BAIAP3: variants seen among roughly 807,000 people sequenced by gnomAD.
The protein encoded by BAIAP3 is BAI1-associated protein 3.
A neutral mutation model predicts 149.7 loss-of-function variants in BAIAP3; 180 were observed. The observed-to-expected ratio is 1.20, with a 90% CI of 1.07 to 1.36. The LOEUF is 1.36. Among genes scored for constraint, BAIAP3 ranks in the 40% most tolerant of loss-of-function variants. BAIAP3 has a pLI of 0.00. For missense variants in BAIAP3, 1,767 were observed against 1,563.4 expected, an observed-to-expected ratio of 1.13 and a Z score of -2.20; for synonymous variants, 845 against 670.7, an observed-to-expected ratio of 1.26 and a Z score of -4.02.
chr16:1,344,298 A>T lies in BAIAP3; in HGVS notation c.1583A>T (p.Asp528Val). 1 of 1,613,854 alleles carries T rather than the reference A, an allele frequency of 6.2e-7. No homozygotes were observed. The highest frequency in any genetic ancestry group is 8.5e-7 in the Non-Finnish European group (1 of 1,179,996). The change falls in exon 17 of 34, where the codon GAC becomes GTC. Residue 528 changes from aspartate (D) to valine (V), a missense_variant. By Grantham distance (152) the Asp-to-Val change is radical (BLOSUM62 -3). Coordinates refer to ENST00000426824, the MANE Select transcript of BAIAP3 (RefSeq NM_001199097.2). ...ICPFESELNM[D>V]IAAALKRGNR... ...CCCTTCGAGTCGGAGCTGAACATGG[A>T]CATTGCTGCGGCCCTGAAGGTGTGT...
At chr16:1,344,170 C>A in intron 16 of BAIAP3, 24 bp downstream of exon 16, 1 of 1,612,130 alleles carries the variant, frequency 6.2e-7, no homozygotes. Flanking sequence ...CGCGTGTCAG[C>A]GTGGGTGGGG....
In BAIAP3 at chr16:1,338,613, C is replaced by A; in HGVS notation, c.64C>A (p.Arg22Ser). 1 of 1,605,294 alleles carries A rather than the reference C, an allele frequency of 6.2e-7. No individual in the cohort carries two copies. Among genetic ancestry groups the A allele is most frequent in the South Asian group, 1.1e-5 (1 of 89,798 alleles). Reference protein sequence around the residue: ...LRQVQVCPSFRRRTEQDPGSA... With the variant: ...LRQVQVCPSFSRRTEQDPGSA... ...GCAGGTGCAGGTGTGCCCGTCCTTC[C>A]GCCGCAGGACTGAGCAGGACCCAGG... The change falls in exon 2 of 34, where the codon CGC becomes AGC. Residue 22 changes from arginine to serine, a missense_variant. Arg to Ser is a moderately radical substitution (Grantham distance 110, BLOSUM62 -1). Transcript: ENST00000426824.
chr16:1,336,929 G>A (rs1327430026), intron 1 of BAIAP3, among the ~76,000 whole-genome samples: 1 of 152,198 alleles, frequency 6.6e-6, no homozygotes, highest in Non-Finnish European at 1.5e-5. Flanking sequence ...GACCCCGGGG[G>A]GCTGGGGGAG....
intron 4 of BAIAP3, 91 bp from the exon 5 acceptor site, chr16:1,339,405 A>G: frequency 6.7e-7 from 1 of 1,484,852 alleles, no homozygotes; most frequent in Non-Finnish European, 9.2e-7. Flanking sequence ...AAAGAGGCAG[A>G]GGTGGGGCCT....
rs1490447876 is a variant in BAIAP3, at chr16:1,334,555, T to C, written c.-11+806T>C. 8 of 1,069,238 alleles carry C rather than the reference T, an allele frequency of 7.5e-6. No individual in the cohort carries two copies. The Admixed American group carries it at 1.9e-4, about 25-fold the overall frequency. The allele number at this position is 1,069,238 out of a possible 1,614,324, so 66.2% of individuals were successfully genotyped here. On this transcript the variant is annotated intron_variant, in intron 1 of 33. Transcript: ENST00000426824. ...CGCCTCGGGCTCCGGTCTCCTGCGC[T>C]CCTGCTGGGCGCCAGCGGCTGGACC... is the stretch of plus-strand genomic sequence containing the variant.
At chr16:1,341,511 G>A (rs2033925603) in intron 8 of BAIAP3, 22 bp downstream of exon 8, 14 of 1,594,118 alleles carry the variant, frequency 8.8e-6, no homozygotes, top group Non-Finnish European at 1.1e-5. Flanking sequence ...GCCCGTCTGG[G>A]TGCGGGAGGG....
Position 1,342,513 on chromosome 16 carries a change from C to T in BAIAP3, c.958-14C>T. The T allele has an allele frequency of 1.3e-6, 2 of 1,549,814 alleles. No individual in the cohort carries two copies. Among genetic ancestry groups the T allele is most frequent in the South Asian group, 1.2e-5 (1 of 84,136 alleles). On this transcript the variant is annotated splice_polypyrimidine_tract_variant and intron_variant, in intron 11 of 33. Transcript: ENST00000426824. ...GGAGGAGTCTGGTGGGCCTGACCCC[C>T]ATGCTACCCCCAGGAGGTGCCTGTG...
intron 24 of BAIAP3, 26 bp downstream of exon 24, chr16:1,346,104 C>T: frequency 1.2e-6 from 2 of 1,605,214 alleles, no homozygotes; most frequent in Non-Finnish European, 1.7e-6. Flanking sequence ...GGGAGGGGAG[C>T]CGGCAGGAGG....
chr16:1,347,655 C>G (rs1353492792), intron 30 of BAIAP3, 30 bp downstream of exon 30: 1 of 1,612,772 alleles, frequency 6.2e-7, no homozygotes, highest in African/African-American at 1.3e-5. Flanking sequence ...AGGGTGCTGC[C>G]TCCGAGGCTC....
Position 1,346,691 on chromosome 16 carries a change from G to A in BAIAP3, c.2642+7G>A, listed in dbSNP as rs1288830412. On this transcript the variant is annotated splice_region_variant and intron_variant, in intron 27 of 33. Transcript: ENST00000426824. ...TGAAGGGGAACCTGAGCAGGTGCGGGCGGGTGGGGTGGGATGGGCTGGGCT... is the reference window on the plus strand; with the variant it reads ...TGAAGGGGAACCTGAGCAGGTGCGGACGGGTGGGGTGGGATGGGCTGGGCT... The A allele has an allele frequency of 2.6e-6, 4 of 1,538,384 alleles. No homozygotes were observed. The highest frequency in any genetic ancestry group is 1.4e-5 in the African/African-American group (1 of 72,780).
In BAIAP3 at chr16:1,346,695, G is replaced by T. The variant is rs753421584; in HGVS notation, c.2642+11G>T. On this transcript the variant is annotated intron_variant, in intron 27 of 33. Transcript: ENST00000426824. Reference sequence around the variant, plus strand: ...GGGGAACCTGAGCAGGTGCGGGCGGGTGGGGTGGGATGGGCTGGGCTGGCC... The same window carrying T: ...GGGGAACCTGAGCAGGTGCGGGCGGTTGGGGTGGGATGGGCTGGGCTGGCC... 6.5e-7 allele frequency: 1 copy of T among 1,533,818 alleles called. No homozygotes were observed. The highest frequency in any genetic ancestry group is 1.2e-5 in the South Asian group (1 of 83,812).
Position 1,340,997 on chromosome 16 carries a change from C to G in BAIAP3, c.468+16C>G. ...GAAGGCCAAGGTGAGGCCGCCACTG[C>G]CTGGGCAGGCACTGACCAGCACGTG... On this transcript the variant is annotated intron_variant, in intron 6 of 33. Coordinates refer to ENST00000426824, the MANE Select transcript of BAIAP3 (RefSeq NM_001199097.2). 1 of 1,604,942 alleles carries G rather than the reference C, an allele frequency of 6.2e-7. No individual in the cohort carries two copies. The highest frequency in any genetic ancestry group is 8.5e-7 in the Non-Finnish European group (1 of 1,176,418).
At chr16:1,344,197 G>C (rs751768562) in intron 16 of BAIAP3, 30 bp from the exon 17 acceptor site, 27 of 1,612,524 alleles carry the variant, frequency 1.7e-5, no homozygotes, top group Non-Finnish European at 2.3e-5. Context: ...GGCAGGGCAG[G>C]CCCCACGTCA....
At position 1,348,426 on chromosome 16, in the gene BAIAP3, CAGG is replaced by C; in HGVS notation, c.3406_3408del (p.Glu1136del). ...GGAAGGCCGCACCAGCAAGGAGGCG[CAGG>C]AGTTCGTGAAGAAACTCAAGGAGCT... On this transcript the variant is annotated inframe_deletion, in exon 34 of 34. Transcript: ENST00000426824. The C allele has an allele frequency of 6.2e-7, 1 of 1,612,764 alleles. No individual in the cohort carries two copies. The highest frequency in any genetic ancestry group is 8.5e-7 in the Non-Finnish European group (1 of 1,179,852).
At chr16:1,335,316 C>T (rs970808272) in intron 1 of BAIAP3, among the ~76,000 whole-genome samples, 2 of 152,266 alleles carry the variant, frequency 1.3e-5, no homozygotes, top group Non-Finnish European at 2.9e-5. Context: ...GCGGTCCTCC[C>T]TCTGCTCACT....
chr16:1,343,510 G>A lies in BAIAP3; in HGVS notation c.1383G>A (p.Glu461=). Reference sequence around the variant, plus strand: ...AAGAGGCTCCTTCACTGCCCCAGGAGCAGGTGGGTGCAGCCGGGACCTTCT... The same window carrying A: ...AAGAGGCTCCTTCACTGCCCCAGGAACAGGTGGGTGCAGCCGGGACCTTCT... ...HWEEAPSLPQ[E]QEESLADSLS... The change falls in exon 15 of 34, where the codon GAG becomes GAA. Residue 461 remains glutamate (E), a synonymous_variant. Transcript: ENST00000426824. The A allele has an allele frequency of 1.2e-6, 2 of 1,605,996 alleles. No individual in the cohort carries two copies. Among genetic ancestry groups the A allele is most frequent in the Non-Finnish European group, 1.7e-6 (2 of 1,177,862 alleles).
chr16:1,334,510 G>T, intron 1 of BAIAP3: 1 of 655,526 alleles, frequency 1.5e-6, no homozygotes, highest in Non-Finnish European at 2.7e-6. Context: ...GCGCAGACAC[G>T]GGCGAGGGGA....
rs538503574 is a variant in BAIAP3, at chr16:1,345,844, G to A, written c.2162G>A (p.Trp721Ter). Residue 721 changes from tryptophan (W) to a stop codon, truncating the protein, a stop_gained, in exon 23 of 34, where the codon TGG (tryptophan) becomes TAG (stop). Transcript: ENST00000426824. LOFTEE classifies it high-confidence loss of function. Reference sequence around the variant, plus strand: ...CAGGAGTTGTGGGTGCGCCTGGCGTGGCCTGACCCTGCCCAGGCTCAGGGG... The same window carrying A: ...CAGGAGTTGTGGGTGCGCCTGGCGTAGCCTGACCCTGCCCAGGCTCAGGGG... ...HIQELWVRLA[W>*]PDPAQAQGLG... 1.9e-6 allele frequency: 3 copies of A among 1,580,212 alleles called. No individual in the cohort carries two copies. Among genetic ancestry groups the A allele is most frequent in the South Asian group, 1.2e-5 (1 of 86,576 alleles).
Position 1,347,835 on chromosome 16 carries a change from G to T in BAIAP3, c.3025+14G>T. The T allele has an allele frequency of 6.2e-7, 1 of 1,603,828 alleles. No individual in the cohort carries two copies. Among genetic ancestry groups the T allele is most frequent in the East Asian group, 2.2e-5 (1 of 44,662 alleles). On this transcript the variant is annotated intron_variant, in intron 31 of 33. Transcript: ENST00000426824. Reference sequence around the variant, plus strand: ...TGGACGCCAACGGTGAGTTGCAGCGGGGACGGGTCGGGTGGTGGTGGGATG... The same window carrying T: ...TGGACGCCAACGGTGAGTTGCAGCGTGGACGGGTCGGGTGGTGGTGGGATG...
Sources: allele counts gnomAD v4.1 joint callset (sites outside exome capture counted in the v4.1 genomes callset), GRCh38; gene constraint gnomAD v4.1.1; transcripts MANE v1.5; gene names NCBI Gene and HGNC (gene_info 2026-07-23, HGNC 2026-07-21).